The following CACNA1D variants were observed in gnomAD, a reference collection of about 807,000 sequenced individuals.
The protein encoded by CACNA1D is calcium voltage-gated channel subunit alpha1 D.
In CACNA1D, 55 loss-of-function variants were observed where a neutral mutation model predicts 257.1. The observed-to-expected ratio is 0.21, with a 90% CI of 0.17 to 0.27. The LOEUF (loss-of-function observed/expected upper bound fraction) is 0.27. Among genes scored for constraint, CACNA1D ranks in the 10% least tolerant of loss-of-function variants. The pLI, the probability that CACNA1D is intolerant of heterozygous loss-of-function variation, is 1.00. For missense variants in CACNA1D, 1,876 were observed against 2,784.0 expected (o/e 0.67, Z 7.34); for synonymous variants, 980 against 1,014.9 (o/e 0.97, Z 0.65).
intron 3 of CACNA1D, among the ~76,000 whole-genome samples, chr3:53,562,907 A>T (rs1425077190): frequency 1.3e-5 from 2 of 152,222 alleles, no homozygotes; most frequent in African/African-American, 2.4e-5. Flanking sequence ...CAGTTCAGGA[A>T]ACTGAGGCAT....
intron 3 of CACNA1D, among the ~76,000 whole-genome samples, chr3:53,632,698 T>C (rs937641820): frequency 2.0e-5 from 3 of 152,198 alleles, no homozygotes; most frequent in African/African-American, 7.2e-5. Flanking sequence ...GGGTTATTAA[T>C]TGGTCTAATT....
At chr3:53,682,885 T>C (rs898411) in intron 8 of CACNA1D, among the ~76,000 whole-genome samples, 46,876 of 151,998 alleles carry the variant, frequency 0.31, 7,260 homozygotes, top group Middle Eastern at 0.4. Context: ...GCAACTATTT[T>C]CAGAAAATGG....
chr3:53,703,244 C>T (rs2094646008), intron 9 of CACNA1D, among the ~76,000 whole-genome samples: 1 of 152,228 alleles, frequency 6.6e-6, no homozygotes, highest in South Asian at 2.1e-4. Context: ...GGCCACCTGA[C>T]ATGGCTCCTA....
intron 3 of CACNA1D, among the ~76,000 whole-genome samples, chr3:53,528,618 T>C (rs2091846307): frequency 1.3e-5 from 2 of 152,316 alleles, no homozygotes; most frequent in South Asian, 4.1e-4. Flanking sequence ...ATAGGTCAAT[T>C]TGGGGAGAAG....
chr3:53,700,375 G>A (rs1303752252), intron 8 of CACNA1D, among the ~76,000 whole-genome samples: 2 of 152,056 alleles, frequency 1.3e-5, no homozygotes, highest in South Asian at 2.1e-4. Context: ...TCTTTGAGAT[G>A]TATTTAAGAA....
chr3:53,659,557 A>G (rs547508324), intron 4 of CACNA1D, among the ~76,000 whole-genome samples: 9 of 152,230 alleles, frequency 5.9e-5, no homozygotes, highest in Non-Finnish European at 1.3e-4. Context: ...GACCACATGC[A>G]CAAATGAGCA....
At chr3:53,770,999 A>T (rs954311060) in intron 32 of CACNA1D, among the ~76,000 whole-genome samples, 3 of 152,190 alleles carry the variant, frequency 2.0e-5, no homozygotes, top group Non-Finnish European at 4.4e-5. Flanking sequence ...GGGCCAGTGC[A>T]CTATCACTGG....
At chr3:53,799,434 G>A (rs2095524592) in intron 40 of CACNA1D, among the ~76,000 whole-genome samples, 3 of 152,206 alleles carry the variant, frequency 2.0e-5, no homozygotes, top group Admixed American at 2.0e-4. Flanking sequence ...AGTGAGGAAG[G>A]CAGCTGTGAG....
intron 45 of CACNA1D, chr3:53,807,382 C>G (rs1180206003): frequency 6.6e-6 from 1 of 152,302 alleles, no homozygotes; most frequent in Non-Finnish European, 1.5e-5. Context: ...GCACGAGAGA[C>G]CAGGACTGGC....
In CACNA1D at chr3:53,606,111, C is replaced by G. The variant is rs563607923; in HGVS notation, c.484-44668C>G. 2.0e-5 allele frequency among the ~76,000 whole-genome samples: 3 copies of G among 152,314 alleles called. No individual in the cohort carries two copies. In the South Asian group the frequency reaches 6.2e-4, roughly 32 times the overall value. On this transcript the variant is annotated intron_variant, in intron 3 of 47. Coordinates refer to ENST00000350061, the MANE Select transcript of CACNA1D (RefSeq NM_001128840.3). ...CATCAACTGTGTCAACAGACTGGACCCAATAATAGGAACAAAGTGCTGAAA... is the reference window on the plus strand; with the variant it reads ...CATCAACTGTGTCAACAGACTGGACGCAATAATAGGAACAAAGTGCTGAAA...
Position 53,749,321 on chromosome 3 carries a change from A to G in CACNA1D, c.3368A>G (p.Asn1123Ser), listed in dbSNP as rs2108865115. The change falls in exon 27 of 48, where the codon AAC (asparagine) becomes AGC (serine). Residue 1123 changes from asparagine to serine, a missense_variant. Asn to Ser is a conservative substitution (Grantham distance 46). Transcript: ENST00000350061. Reference protein sequence around the residue: ...SNGENIGPIYNHRVEISIFFI... With the variant: ...SNGENIGPIYSHRVEISIFFI... ...GGAGAGAACATCGGCCCAATCTACAACCACCGCGTGGAGATCTCCATCTTC... is the reference window on the plus strand; with the variant it reads ...GGAGAGAACATCGGCCCAATCTACAGCCACCGCGTGGAGATCTCCATCTTC... The G allele has an allele frequency of 3.1e-6, 5 of 1,613,820 alleles. No individual in the cohort carries two copies. The highest frequency in any genetic ancestry group is 4.2e-6 in the Non-Finnish European group (5 of 1,179,754).
intron 3 of CACNA1D, among the ~76,000 whole-genome samples, chr3:53,599,615 C>G (rs552154964): frequency 3.3e-5 from 5 of 152,162 alleles, no homozygotes; most frequent in Non-Finnish European, 5.9e-5. Flanking sequence ...CCTCAGTTTT[C>G]TCATTTATAA....
At chr3:53,497,887 C>T (rs2090420466) in intron 2 of CACNA1D, among the ~76,000 whole-genome samples, 1 of 152,200 alleles carries the variant, frequency 6.6e-6, no homozygotes. Context: ...GAAGGGAATA[C>T]ATTTTTGACC....
At chr3:53,764,056 T>G (rs2095318719) in intron 30 of CACNA1D, among the ~76,000 whole-genome samples, 1 of 152,198 alleles carries the variant, frequency 6.6e-6, no homozygotes, top group Non-Finnish European at 1.5e-5. Flanking sequence ...TTAAGCCTCG[T>G]CATGCCACGC....
At position 53,749,286 on chromosome 3, in the gene CACNA1D, C is replaced by G; in HGVS notation, c.3333C>G (p.Ile1111Met). The change falls in exon 27 of 48, where the codon ATC (isoleucine) becomes ATG (methionine). Residue 1111 changes from isoleucine (I) to methionine (M), a missense_variant. Physicochemically the swap from Ile to Met is conservative, Grantham distance 10. Coordinates refer to ENST00000350061, the MANE Select transcript of CACNA1D (RefSeq NM_001128840.3). ...EGWPALLYKAIDSNGENIGPI... is the reference protein window; with the variant it reads ...EGWPALLYKAMDSNGENIGPI... ...TCTCTAGGTTGCTGTATAAAGCCAT[C>G]GACTCGAATGGAGAGAACATCGGCC... The G allele has an allele frequency of 1.2e-6, 2 of 1,613,606 alleles. No individual in the cohort carries two copies. The highest frequency in any genetic ancestry group is 1.7e-6 in the Non-Finnish European group (2 of 1,179,498).
At chr3:53,569,873 C>A (rs529795388) in intron 3 of CACNA1D, among the ~76,000 whole-genome samples, 66 of 152,240 alleles carry the variant, frequency 4.3e-4, no homozygotes, top group Admixed American at 3.7e-3. Flanking sequence ...TTAGTTTTCT[C>A]ATTTGTAAAG....
intron 4 of CACNA1D, among the ~76,000 whole-genome samples, chr3:53,651,366 C>CTTTATTTTTTTTTTTTTT (rs2094091595): frequency 1.2e-5 from 1 of 81,836 alleles, no homozygotes; most frequent in Non-Finnish European, 2.3e-5. Context: ...TATTAATTTT[C>CTTTATTTTTTTTTTTTTT]TTTTTTTTTT....
At chr3:53,705,105 T>A (rs954125237) in intron 9 of CACNA1D, among the ~76,000 whole-genome samples, 1 of 152,094 alleles carries the variant, frequency 6.6e-6, no homozygotes, top group Non-Finnish European at 1.5e-5. Flanking sequence ...GAGGGGAAGA[T>A]GGAGAAGGAG....
At position 53,774,734 on chromosome 3, in the gene CACNA1D, G is replaced by A. The variant is rs2095387349; in HGVS notation, c.4202+56G>A. ...GGGCAGGGGGGTCCGCTAGGCGTGG[G>A]TCCAGAGGGACGGAGGACACAGGTT... On this transcript the variant is annotated intron_variant, in intron 34 of 47. Transcript: ENST00000350061. This position sits in a 1 kb window ranked among gnomAD's most constrained non-coding sequence, Gnocchi z 4.3. 3 of 969,914 alleles carry A rather than the reference G, an allele frequency of 3.1e-6. No homozygotes were observed. In the South Asian group the frequency reaches 3.8e-5, roughly 12 times the overall value. The allele number at this position is 969,914 out of a possible 1,614,324, so 60.1% of individuals were successfully genotyped here.
Sources: allele counts gnomAD v4.1 joint callset (sites outside exome capture counted in the v4.1 genomes callset), GRCh38; gene constraint gnomAD v4.1.1; non-coding constraint Gnocchi (gnomAD v3.1); transcripts MANE v1.5; gene names NCBI Gene and HGNC (gene_info 2026-07-23, HGNC 2026-07-21).